Variants in GSDME observed in about 807,000 individuals in gnomAD.
The protein encoded by GSDME is gasdermin E.
GSDME carries 44 observed loss-of-function variants against 47.5 expected under a neutral mutation model. That is an observed-to-expected ratio of 0.93 (90% CI 0.73 to 1.19). The LOEUF (loss-of-function observed/expected upper bound fraction) is 1.19. GSDME is among the 50% of genes most tolerant of loss of function. The probability of loss-of-function intolerance (pLI) is 0.00; values close to 1 mark genes in which losing one functional copy is unlikely to be tolerated. For synonymous variants in GSDME, 258 were observed against 252.8 expected, an observed-to-expected ratio of 1.02 and a Z score of -0.20; for missense variants, 663 against 604.2, an observed-to-expected ratio of 1.10 and a Z score of -1.02.
chr7:24,706,382 G>T lies in GSDME; in HGVS notation c.991-6C>A. ...CCGCTGACCAGGTCATCGCACTGTA[G>T]GGCAGGGAAGAAGAAGGGTCATGAC... is the stretch of plus-strand genomic sequence containing the variant. On this transcript the variant is annotated splice_region_variant and splice_polypyrimidine_tract_variant and intron_variant, in intron 7 of 9. Coordinates refer to ENST00000645220, the MANE Select transcript of GSDME (RefSeq NM_001127453.2). 6.2e-7 allele frequency: 1 copy of T among 1,611,722 alleles called. No homozygotes were observed. The highest frequency in any genetic ancestry group is 1.1e-5 in the South Asian group (1 of 90,832).
chr7:24,765,587 A>G, the GSDME span, among the ~76,000 whole-genome samples: 1 of 152,220 alleles, frequency 6.6e-6, no homozygotes, highest in East Asian at 1.9e-4. Flanking sequence ...TCTGTACGTC[A>G]CTGCCCTTTT....
rs747897693 is a variant in GSDME at position 24,754,004 on chromosome 7, C to T, written c.-20+3392G>A. On this transcript the variant is annotated intron_variant, in intron 1 of 9. Transcript: ENST00000645220. This position sits in a 1 kb window ranked among gnomAD's most constrained non-coding sequence, Gnocchi z 5.0. ...TGAAGGATCTAGAACTCAAGTTGCCCGACACAGACAAGCACAGTCATGTCT... is the reference window on the plus strand; with the variant it reads ...TGAAGGATCTAGAACTCAAGTTGCCTGACACAGACAAGCACAGTCATGTCT... Among the ~76,000 whole-genome samples the T allele has an allele frequency of 2.0e-5, 3 of 152,104 alleles. No individual in the cohort carries two copies. The highest frequency in any genetic ancestry group is 4.4e-5 in the Non-Finnish European group (3 of 68,016).
At chr7:24,718,043 G>C (rs747114943) in intron 4 of GSDME, among the ~76,000 whole-genome samples, 27 of 152,238 alleles carry the variant, frequency 1.8e-4, no homozygotes, top group Non-Finnish European at 3.5e-4. Context: ...GTCAGAGTGT[G>C]TTGCTTTGGG....
In GSDME at chr7:24,756,397, AGGG is replaced by A. The variant is rs1217940897; in HGVS notation, c.-20+996_-20+998del. ...AGAACCTAGCCAAGGGACCGTGGCT[AGGG>A]GGTTGGGCCCTTTCTCTCTCAGATC... On this transcript the variant is annotated intron_variant, in intron 1 of 9. Coordinates refer to ENST00000645220, the MANE Select transcript of GSDME (RefSeq NM_001127453.2). The surrounding 1 kb of genome is among the most constrained non-coding windows in gnomAD (Gnocchi z 4.2). 6.6e-6 allele frequency among the ~76,000 whole-genome samples: 1 copy of A among 152,176 alleles called. No individual in the cohort carries two copies. Among genetic ancestry groups the A allele is most frequent in the Non-Finnish European group, 1.5e-5 (1 of 68,016 alleles).
rs1472138816 is a variant in GSDME, at chr7:24,736,412, TAAG to T, written c.404+8147_404+8149del. Among the ~76,000 whole-genome samples the T allele has an allele frequency of 2.6e-5, 4 of 152,238 alleles. No homozygotes were observed. The highest frequency in any genetic ancestry group is 4.1e-4 in the South Asian group (2 of 4,824). On this transcript the variant is annotated intron_variant, in intron 3 of 9. Coordinates refer to ENST00000645220, the MANE Select transcript of GSDME (RefSeq NM_001127453.2). This position sits in a 1 kb window ranked among gnomAD's most constrained non-coding sequence, Gnocchi z 4.6. ...AAAATCGATTTCAAGACAAAAACTA[TAAG>T]AAGAGACAAAGAAGGTTACTATATA...
At chr7:24,743,786 A>T (rs1790562742) in intron 3 of GSDME, among the ~76,000 whole-genome samples, 1 of 152,086 alleles carries the variant, frequency 6.6e-6, no homozygotes, top group Admixed American at 6.5e-5. Context: ...CTTCTCCATA[A>T]CACCTTCTCT....
the GSDME span, among the ~76,000 whole-genome samples, chr7:24,793,997 G>A: frequency 1.5e-4 from 23 of 152,192 alleles, no homozygotes; most frequent in African/African-American, 5.5e-4. Flanking sequence ...TTCGGGCTAC[G>A]CCCTTGTTTA....
chr7:24,710,597 G>A (rs367888205), intron 5 of GSDME: 2 of 583,540 alleles, frequency 3.4e-6, no homozygotes, highest in Non-Finnish European at 6.1e-6. Context: ...ATAAGGAAAT[G>A]GCTGTTCTTA....
At chr7:24,778,922 T>C in the GSDME span, among the ~76,000 whole-genome samples, 2 of 152,180 alleles carry the variant, frequency 1.3e-5, no homozygotes, top group Non-Finnish European at 2.9e-5. This position sits in a 1 kb window ranked among gnomAD's most constrained non-coding sequence, Gnocchi z 5.6. Context: ...CAAGCTGCCA[T>C]AGTACTGAAC....
chr7:24,768,117 G>A, the GSDME span, among the ~76,000 whole-genome samples: 3 of 152,206 alleles, frequency 2.0e-5, no homozygotes, highest in African/African-American at 4.8e-5. This position sits in a 1 kb window ranked among gnomAD's most constrained non-coding sequence, Gnocchi z 5.6. Context: ...CTACTTCTCT[G>A]ATCCCTTGTG....
At chr7:24,727,803 C>A (rs577052465) in intron 3 of GSDME, among the ~76,000 whole-genome samples, 200 of 152,358 alleles carry the variant, frequency 1.3e-3, no homozygotes, top group Non-Finnish European at 2.2e-3. Context: ...CTTCATCTGC[C>A]GATTTCCCCT....
At chr7:24,737,268 A>T (rs1487892728) in intron 3 of GSDME, among the ~76,000 whole-genome samples, 1 of 152,030 alleles carries the variant, frequency 6.6e-6, no homozygotes, top group African/African-American at 2.4e-5. Context: ...GACTAAGAAA[A>T]AAAGAGAAGA....
chr7:24,705,163 G>A lies in GSDME; in HGVS notation c.1183+1021C>T, dbSNP rs1371358724. 1 of 152,172 alleles carries A rather than the reference G, an allele frequency of 6.6e-6. No individual in the cohort carries two copies. The highest frequency in any genetic ancestry group is 1.5e-5 in the Non-Finnish European group (1 of 68,034). The allele number at this position is 152,172 out of a possible 1,614,324, so 9.4% of individuals were successfully genotyped here. On this transcript the variant is annotated intron_variant, in intron 8 of 9. Coordinates refer to ENST00000645220, the MANE Select transcript of GSDME (RefSeq NM_001127453.2). The surrounding 1 kb of genome is among the most constrained non-coding windows in gnomAD (Gnocchi z 4.1). ...ACCTCTCACAAGTCGGAGAACTCTG[G>A]CCTGTGTATTAGCTCCTGACAGAAT...
At chr7:24,781,381 G>A in the GSDME span, among the ~76,000 whole-genome samples, 4 of 152,292 alleles carry the variant, frequency 2.6e-5, no homozygotes, top group Admixed American at 6.5e-5. Flanking sequence ...TGGGGAAGCC[G>A]TGAGACATGC....
rs142342806 is a variant in GSDME at position 24,751,457 on chromosome 7, C to G, written c.-19-1664G>C. On this transcript the variant is annotated intron_variant, in intron 1 of 9. Coordinates refer to ENST00000645220, the MANE Select transcript of GSDME (RefSeq NM_001127453.2). ...AAGCTCAGACTTTAGCTCAATCCAC[C>G]TTAACATGAATCTCTTTCGGGGCAT... Among the ~76,000 whole-genome samples the G allele has an allele frequency of 1.4e-4, 21 of 152,314 alleles. No individual in the cohort carries two copies. The East Asian group carries it at 4.0e-3, about 29-fold the overall frequency.
rs970985367 is a variant in GSDME at position 24,725,896 on chromosome 7, A to T, written c.405-6678T>A. 6.6e-6 allele frequency among the ~76,000 whole-genome samples: 1 copy of T among 152,202 alleles called. No homozygotes were observed. Among genetic ancestry groups the T allele is most frequent in the African/African-American group, 2.4e-5 (1 of 41,440 alleles). On this transcript the variant is annotated intron_variant, in intron 3 of 9. Coordinates refer to ENST00000645220, the MANE Select transcript of GSDME (RefSeq NM_001127453.2). The surrounding 1 kb of genome is among the most constrained non-coding windows in gnomAD (Gnocchi z 5.1). Reference sequence around the variant, plus strand: ...CCCTCCCTTAAGGAAGTGGACCCTCAAAGCAATTAAGAGCATGGCTCCATG... The same window carrying T: ...CCCTCCCTTAAGGAAGTGGACCCTCTAAGCAATTAAGAGCATGGCTCCATG...
In GSDME at chr7:24,735,132, G is replaced by A. The variant is rs1383192592; in HGVS notation, c.404+9430C>T. Among the ~76,000 whole-genome samples the A allele has an allele frequency of 6.6e-6, 1 of 152,208 alleles. No homozygotes were observed. The highest frequency in any genetic ancestry group is 2.4e-5 in the African/African-American group (1 of 41,452). On this transcript the variant is annotated intron_variant, in intron 3 of 9. Transcript: ENST00000645220. This position sits in a 1 kb window ranked among gnomAD's most constrained non-coding sequence, Gnocchi z 4.4. ...ACAAGTCTTTAAAGGCCAGGAGAGAGTGGCATGACATATCTAAAGTGCTGA... is the reference window on the plus strand; with the variant it reads ...ACAAGTCTTTAAAGGCCAGGAGAGAATGGCATGACATATCTAAAGTGCTGA...
chr7:24,741,461 A>G (rs11509139), intron 3 of GSDME, among the ~76,000 whole-genome samples: 15,474 of 152,188 alleles, frequency 0.1, 849 homozygotes, highest in Admixed American at 0.12. Flanking sequence ...ACTGCATTCA[A>G]AGGGGTCAGC....
At chr7:24,700,636 C>G (rs1259908044) in intron 9 of GSDME, among the ~76,000 whole-genome samples, 1 of 152,116 alleles carries the variant, frequency 6.6e-6, no homozygotes, top group Non-Finnish European at 1.5e-5. Context: ...GGTTTATTAT[C>G]AAAATCAGCC....
Sources: allele counts gnomAD v4.1 joint callset (sites outside exome capture counted in the v4.1 genomes callset), GRCh38; gene constraint gnomAD v4.1.1; non-coding constraint Gnocchi (gnomAD v3.1); transcripts MANE v1.5; gene names NCBI Gene and HGNC (gene_info 2026-07-23, HGNC 2026-07-21).